The following HCN1 variants were observed in gnomAD, a reference collection of about 807,000 sequenced individuals.
The protein encoded by HCN1 is potassium/sodium hyperpolarization-activated cyclic nucleotide-gated channel 1.
In HCN1, 13 loss-of-function variants were observed where a neutral mutation model predicts 78.9. The observed-to-expected ratio is 0.16, with a 90% CI of 0.11 to 0.26. The LOEUF (loss-of-function observed/expected upper bound fraction) is 0.26. HCN1 is among the 10% of genes least tolerant of loss of function. The pLI, the probability that HCN1 is intolerant of heterozygous loss-of-function variation, is 1.00. For missense variants in HCN1, 810 were observed against 1,154.3 expected (o/e 0.70, Z 4.32); for synonymous variants, 552 against 455.5 (o/e 1.21, Z -2.70).
At chr5:45,395,145 G>A (rs911260686) in intron 4 of HCN1, among the ~76,000 whole-genome samples, 1 of 151,776 alleles carries the variant, frequency 6.6e-6, no homozygotes, top group Non-Finnish European at 1.5e-5. Flanking sequence ...AAAATGTATA[G>A]CAATGATGCA....
chr5:45,488,489 T>TA lies in HCN1; in HGVS notation c.850-26483dup, dbSNP rs74543128. Among the ~76,000 whole-genome samples the TA allele has an allele frequency of 4.5e-4, 69 of 152,248 alleles. No individual in the cohort carries two copies. The East Asian group carries it at 0.013, about 29-fold the overall frequency. Reference sequence around the variant, plus strand: ...GGACTGTTTATATTCTGTTGTTATATAAAAATAACACCAGTCAGTTGTGCT... The same window carrying TA: ...GGACTGTTTATATTCTGTTGTTATATAAAAAATAACACCAGTCAGTTGTGCT... On this transcript the variant is annotated intron_variant, in intron 2 of 7. Coordinates refer to ENST00000303230, the MANE Select transcript of HCN1 (RefSeq NM_021072.4).
At chr5:45,613,936 A>T (rs1744892987) in intron 2 of HCN1, among the ~76,000 whole-genome samples, 1 of 152,156 alleles carries the variant, frequency 6.6e-6, no homozygotes, top group African/African-American at 2.4e-5. Flanking sequence ...TCCAAATTCA[A>T]GTGTAGGGAG....
chr5:45,363,145 C>CATATAT lies in HCN1; in HGVS notation c.1231-9905_1231-9900dup, dbSNP rs34074894. Among the ~76,000 whole-genome samples, 493 of 131,264 alleles carry CATATAT rather than the reference C, an allele frequency of 3.8e-3. 6 individuals are homozygous for CATATAT. Among genetic ancestry groups the CATATAT allele is most frequent in the Middle Eastern group, 0.015 (4 of 270 alleles). 86.1% of individuals were successfully genotyped at this position (131,264 alleles called of 152,430 possible). ...ATATATAACATATTATATATATATACATATATATATATATATATATATATC... is the reference window on the plus strand; with the variant it reads ...ATATATAACATATTATATATATATACATATATATATATATATATATATATATATATC... On this transcript the variant is annotated intron_variant, in intron 4 of 7. Coordinates refer to ENST00000303230, the MANE Select transcript of HCN1 (RefSeq NM_021072.4).
chr5:45,618,634 T>C (rs1457259126), intron 2 of HCN1, among the ~76,000 whole-genome samples: 1 of 152,060 alleles, frequency 6.6e-6, no homozygotes, highest in Non-Finnish European at 1.5e-5. Context: ...TAGAGCAAGA[T>C]GGTCTGTAGT....
chr5:45,492,321 TGA>T (rs1210597691), intron 2 of HCN1, among the ~76,000 whole-genome samples: 9 of 141,888 alleles, frequency 6.3e-5, no homozygotes, highest in Non-Finnish European at 1.1e-4. Context: ...TGTGTGTGTG[TGA>T]GAGAGAGAGG....
chr5:45,548,089 C>T (rs991477947), intron 2 of HCN1, among the ~76,000 whole-genome samples: 1 of 151,650 alleles, frequency 6.6e-6, no homozygotes, highest in Non-Finnish European at 1.5e-5. Context: ...TATCATAAGC[C>T]TCTACTAATT....
Position 45,262,420 on chromosome 5 carries a change from G to A in HCN1, c.2174C>T (p.Ser725Phe). 6.2e-7 allele frequency: 1 copy of A among 1,611,612 alleles called. No individual in the cohort carries two copies. Among genetic ancestry groups the A allele is most frequent in the Non-Finnish European group, 8.5e-7 (1 of 1,179,742 alleles). Residue 725 changes from serine (S) to phenylalanine (F), a missense_variant, in exon 8 of 8, where the codon TCC (serine) becomes TTC (phenylalanine). This residue lies in a region of HCN1 where 398 missense variants were observed against 381.3 expected (regional missense o/e 1.04). Coordinates refer to ENST00000303230, the MANE Select transcript of HCN1 (RefSeq NM_021072.4). ...RTFHYASPTA[S>F]QLSLMQQQPQ... ...CTGCTGTTGCATGAGTGACAGCTGG[G>A]AGGCGGTGGGGGAGGCATAGTGGAA...
intron 5 of HCN1, among the ~76,000 whole-genome samples, chr5:45,312,658 A>G (rs1053419709): frequency 1.3e-5 from 2 of 152,182 alleles, no homozygotes; most frequent in Non-Finnish European, 2.9e-5. Context: ...AAATCGGGTC[A>G]CTCCCACCCT....
Position 45,664,470 on chromosome 5 carries a change from A to G in HCN1, c.426-18862T>C, listed in dbSNP as rs561488965. Reference sequence around the variant, plus strand: ...CTTAAAGTATAATAATAATAAAAAAAAGAAAAAAAAAAAAAGAAACTACCA... The same window carrying G: ...CTTAAAGTATAATAATAATAAAAAAGAGAAAAAAAAAAAAAGAAACTACCA... On this transcript the variant is annotated intron_variant, in intron 1 of 7. Transcript: ENST00000303230. 2.0e-5 allele frequency among the ~76,000 whole-genome samples: 3 copies of G among 146,798 alleles called. No individual in the cohort carries two copies. In the East Asian group the frequency reaches 5.8e-4, roughly 29 times the overall value.
Position 45,301,679 on chromosome 5 carries a change from C to T in HCN1, c.1618+1920G>A, listed in dbSNP as rs542854622. Among the ~76,000 whole-genome samples, 6 of 149,844 alleles carry T rather than the reference C, an allele frequency of 4.0e-5. No homozygotes were observed. In the South Asian group the frequency reaches 1.0e-3, roughly 26 times the overall value. ...AAGGTTGCAGTGAGCCATAATCATG[C>T]CAGTGCACTTCAGCCTAGGTGACAG... On this transcript the variant is annotated intron_variant, in intron 6 of 7. Coordinates refer to ENST00000303230, the MANE Select transcript of HCN1 (RefSeq NM_021072.4).
intron 2 of HCN1, among the ~76,000 whole-genome samples, chr5:45,590,360 C>T (rs183628629): frequency 6.6e-6 from 1 of 152,158 alleles, no homozygotes; most frequent in African/African-American, 2.4e-5. Context: ...TTCCCATCTA[C>T]CCACTGCCCT....
chr5:45,631,668 A>T (rs1288717775), intron 2 of HCN1, among the ~76,000 whole-genome samples: 2 of 152,018 alleles, frequency 1.3e-5, no homozygotes, highest in East Asian at 3.9e-4. Flanking sequence ...CTCCAAGGAA[A>T]CTCTCTCCCA....
At chr5:45,529,696 A>AT (rs1742801414) in intron 2 of HCN1, among the ~76,000 whole-genome samples, 1 of 152,036 alleles carries the variant, frequency 6.6e-6, no homozygotes, top group South Asian at 2.1e-4. Flanking sequence ...GAACATAAAT[A>AT]TTTTCTCAAA....
intron 6 of HCN1, among the ~76,000 whole-genome samples, chr5:45,267,694 G>C (rs1263308719): frequency 6.6e-6 from 1 of 152,098 alleles, no homozygotes. Flanking sequence ...CTTGAACCTG[G>C]GAGGCAGAGG....
intron 2 of HCN1, among the ~76,000 whole-genome samples, chr5:45,517,685 C>A (rs1332561088): frequency 6.6e-6 from 1 of 151,850 alleles, no homozygotes; most frequent in Non-Finnish European, 1.5e-5. Flanking sequence ...ATAGTCTATA[C>A]CCTATTACCA....
intron 2 of HCN1, among the ~76,000 whole-genome samples, chr5:45,609,720 C>T (rs1232185999): frequency 6.6e-6 from 1 of 152,014 alleles, no homozygotes; most frequent in African/African-American, 2.4e-5. Flanking sequence ...CAGCCCTTGC[C>T]CTCCAAGATT....
At chr5:45,427,060 A>G (rs1383114481) in intron 3 of HCN1, among the ~76,000 whole-genome samples, 3 of 152,018 alleles carry the variant, frequency 2.0e-5, no homozygotes, top group South Asian at 2.1e-4. Flanking sequence ...CACATATTCG[A>G]GTAGTCTTGC....
At chr5:45,669,623 G>C (rs1322416933) in intron 1 of HCN1, among the ~76,000 whole-genome samples, 1 of 151,816 alleles carries the variant, frequency 6.6e-6, no homozygotes, top group Non-Finnish European at 1.5e-5. Context: ...CATGAGCCAA[G>C]TTTGTTCCAA....
intron 2 of HCN1, among the ~76,000 whole-genome samples, chr5:45,596,020 C>T (rs914246832): frequency 2.0e-5 from 3 of 152,018 alleles, no homozygotes; most frequent in Admixed American, 6.6e-5. Context: ...CTCAGCCTCC[C>T]GAGTAGCTGG....
Sources: gnomAD v4.1 joint callset for allele counts (sites outside exome capture counted in the v4.1 genomes callset) on GRCh38, gnomAD v4.1.1 for gene constraint, gnomAD v4.1.1 regional missense constraint, MANE v1.5 for transcripts, NCBI Gene and HGNC (gene_info 2026-07-23, HGNC 2026-07-21) for gene names.